FHIT: variants seen among roughly 807,000 people sequenced by gnomAD.
FHIT encodes the protein fragile histidine triad diadenosine triphosphatase, also known as bis(5'-adenosyl)-triphosphatase.
FHIT carries 19 observed loss-of-function variants against 17.9 expected under a neutral mutation model. The observed-to-expected ratio is 1.06, with a 90% confidence interval of 0.74 to 1.56. The LOEUF is 1.56. Ranked by LOEUF, FHIT falls within the 40% of genes most tolerant of loss-of-function variation. The pLI is 0.00. For missense variants in FHIT, 248 were observed against 189.2 expected (o/e 1.31, Z -1.82); for synonymous variants, 81 against 69.7 (o/e 1.16, Z -0.81).
chr3:59,953,760 C>G lies in FHIT; in HGVS notation c.280-31346G>C, dbSNP rs536689474. ...ACTGGCATTCTCTGCATGTCAAAAA[C>G]CTCTGAATCATTCTGGGTCAAGCAC... On this transcript the variant is annotated intron_variant, in intron 7 of 9. Transcript: ENST00000492590. Among the ~76,000 whole-genome samples the G allele has an allele frequency of 4.5e-3, 688 of 152,336 alleles. 6 individuals are homozygous for G. The highest frequency in any genetic ancestry group is 0.015 in the African/African-American group (635 of 41,580).
intron 7 of FHIT, among the ~76,000 whole-genome samples, chr3:59,965,727 C>T (rs749666282): frequency 9.9e-5 from 15 of 152,128 alleles, no homozygotes; most frequent in Non-Finnish European, 1.6e-4. Flanking sequence ...AATTTCTAGC[C>T]TACATGATTC....
At position 61,179,676 on chromosome 3, in the gene FHIT, C is replaced by G. The variant is rs148817788; in HGVS notation, c.-164+20941G>C. 1.3e-3 allele frequency among the ~76,000 whole-genome samples: 182 copies of G among 137,212 alleles called. 1 individual carries two copies. Among genetic ancestry groups the G allele is most frequent in the African/African-American group, 4.8e-3 (175 of 36,622 alleles). 90.0% of individuals were successfully genotyped at this position (137,212 alleles called of 152,430 possible). On this transcript the variant is annotated intron_variant, in intron 2 of 9. Transcript: ENST00000492590. ...TGAGCTATAATTGTGCCACTGCACT[C>G]CAGTCTGGGTGACAGAGCAAGACCC...
chr3:59,871,302 C>T (rs559794660), intron 8 of FHIT, among the ~76,000 whole-genome samples: 33 of 152,234 alleles, frequency 2.2e-4, no homozygotes, highest in Admixed American at 1.1e-3. Context: ...ATTGTAAATA[C>T]GTTTTGATCT....
chr3:60,909,328 C>T (rs1358195721), intron 3 of FHIT, among the ~76,000 whole-genome samples: 1 of 146,776 alleles, frequency 6.8e-6, no homozygotes, highest in Non-Finnish European at 1.5e-5. Flanking sequence ...GAGATCATGC[C>T]ACTGCACTCC....
chr3:60,731,851 T>C (rs1553711321), intron 4 of FHIT, among the ~76,000 whole-genome samples: 1 of 152,200 alleles, frequency 6.6e-6, no homozygotes, highest in African/African-American at 2.4e-5. Flanking sequence ...CTGACATTCC[T>C]GGTGGGATGT....
intron 8 of FHIT, among the ~76,000 whole-genome samples, chr3:59,866,627 G>T (rs1273267673): frequency 6.6e-6 from 1 of 152,114 alleles, no homozygotes; most frequent in African/African-American, 2.4e-5. Flanking sequence ...TCTGGATCTG[G>T]GATATGTCTA....
chr3:60,034,490 A>T (rs944997725), intron 5 of FHIT, among the ~76,000 whole-genome samples: 1 of 152,206 alleles, frequency 6.6e-6, no homozygotes, highest in East Asian at 1.9e-4. Context: ...ATTTCCCATC[A>T]ATTAGAGGGG....
At chr3:59,991,554 C>A (rs1161561866) in intron 7 of FHIT, among the ~76,000 whole-genome samples, 4 of 152,010 alleles carry the variant, frequency 2.6e-5, no homozygotes, top group Non-Finnish European at 4.4e-5. Flanking sequence ...ACATTAGTAC[C>A]CCAGGCTTAA....
chr3:60,068,213 C>T (rs1702604850), intron 5 of FHIT, among the ~76,000 whole-genome samples: 1 of 152,038 alleles, frequency 6.6e-6, no homozygotes, highest in Non-Finnish European at 1.5e-5. Context: ...CCAGCCTGGG[C>T]AACAGAGCGA....
intron 1 of FHIT, among the ~76,000 whole-genome samples, chr3:61,206,441 T>C (rs2039234296): frequency 6.6e-6 from 1 of 151,880 alleles, no homozygotes; most frequent in African/African-American, 2.4e-5. Context: ...TGATTCTTCC[T>C]ACCCATGGGC....
At chr3:61,102,849 T>G (rs1266943532) in intron 2 of FHIT, among the ~76,000 whole-genome samples, 6 of 152,226 alleles carry the variant, frequency 3.9e-5, no homozygotes, top group Admixed American at 3.3e-4. Flanking sequence ...ATAGAGGTGT[T>G]TATAGTACTC....
At chr3:61,003,570 T>C (rs2031244045) in intron 3 of FHIT, among the ~76,000 whole-genome samples, 1 of 152,256 alleles carries the variant, frequency 6.6e-6, no homozygotes, top group African/African-American at 2.4e-5. Context: ...GCTCTAGTAC[T>C]GAGTTCTCCA....
chr3:60,479,246 T>C (rs1409007320), intron 5 of FHIT, among the ~76,000 whole-genome samples: 3 of 152,128 alleles, frequency 2.0e-5, no homozygotes, highest in Non-Finnish European at 4.4e-5. Context: ...CAAAAGCATT[T>C]GCAAATATTC....
At chr3:60,567,380 T>C (rs1384114318) in intron 4 of FHIT, among the ~76,000 whole-genome samples, 1 of 152,196 alleles carries the variant, frequency 6.6e-6, no homozygotes, top group African/African-American at 2.4e-5. Flanking sequence ...TAATAAATGG[T>C]GCTGGGAAAA....
chr3:61,165,422 C>T (rs566386359), intron 2 of FHIT, among the ~76,000 whole-genome samples: 6 of 152,258 alleles, frequency 3.9e-5, no homozygotes, highest in Admixed American at 3.3e-4. Flanking sequence ...TGTTTGTTGG[C>T]CACTTGTATG....
intron 3 of FHIT, among the ~76,000 whole-genome samples, chr3:60,874,202 A>C (rs1478293331): frequency 6.6e-6 from 1 of 152,148 alleles, no homozygotes; most frequent in Admixed American, 6.6e-5. Flanking sequence ...ATTTTAAAAT[A>C]ATTTAATAAA....
At position 60,032,748 on chromosome 3, in the gene FHIT, GCTGT is replaced by G. The variant is rs1196500080; in HGVS notation, c.104-18600_104-18597del. On this transcript the variant is annotated intron_variant, in intron 5 of 9. Transcript: ENST00000492590. ...TCTGAAAATAATCCATAGACCCGCA[GCTGT>G]CTAATAGAACTTTTTGCGATTGTTT... Among the ~76,000 whole-genome samples the G allele has an allele frequency of 4.6e-5, 7 of 151,990 alleles. No individual in the cohort carries two copies. The East Asian group carries it at 7.7e-4, about 17-fold the overall frequency.
intron 4 of FHIT, among the ~76,000 whole-genome samples, chr3:60,766,720 G>A (rs1699866823): frequency 6.6e-6 from 1 of 152,176 alleles, no homozygotes; most frequent in African/African-American, 2.4e-5. Flanking sequence ...CTGAGATGAT[G>A]ATAGGAACTA....
intron 5 of FHIT, among the ~76,000 whole-genome samples, chr3:60,477,846 T>G (rs929145009): frequency 1.3e-5 from 2 of 152,152 alleles, no homozygotes; most frequent in African/African-American, 4.8e-5. Flanking sequence ...TTACCCAAAC[T>G]TCTCTAATAT....
Sources: allele counts gnomAD v4.1 joint callset (sites outside exome capture counted in the v4.1 genomes callset), GRCh38; gene constraint gnomAD v4.1.1; transcripts MANE v1.5; gene names NCBI Gene and HGNC (gene_info 2026-07-23, HGNC 2026-07-21).